Variants in DLG2 observed in about 807,000 individuals in gnomAD.
DLG2 encodes the protein discs large MAGUK scaffold protein 2.
A neutral mutation model predicts 132.5 loss-of-function variants in DLG2; 45 were observed. That is an observed-to-expected ratio of 0.34 (90% CI 0.27 to 0.44). The LOEUF is 0.44. DLG2 is among the 20% of genes least tolerant of loss of function. The pLI is 1.00. For synonymous variants in DLG2, 424 were observed against 419.6 expected, an observed-to-expected ratio of 1.01 and a Z score of -0.13; for missense variants, 1,045 against 1,196.9, an observed-to-expected ratio of 0.87 and a Z score of 1.87.
intron 7 of DLG2, among the ~76,000 whole-genome samples, chr11:84,523,135 G>T (rs1043417740): frequency 6.6e-6 from 1 of 152,160 alleles, no homozygotes; most frequent in South Asian, 2.1e-4. Flanking sequence ...AGAGCTCAAA[G>T]AGTTAACTAA....
rs138015952 is a variant in DLG2 at position 84,977,150 on chromosome 11, G to A, written c.357+134511C>T. Among the ~76,000 whole-genome samples the A allele has an allele frequency of 1.6e-4, 25 of 152,210 alleles. 1 individual carries two copies. In the East Asian group the frequency reaches 4.3e-3, roughly 26 times the overall value. The stretch of plus-strand genomic sequence containing the variant: ...CCAGTCACTCCAAGGGGTGTATGCT[G>A]ATTAGTCTGCCTATTGACACATGGC... On this transcript the variant is annotated intron_variant, in intron 6 of 27. Coordinates refer to ENST00000376104, the MANE Select transcript of DLG2 (RefSeq NM_001142699.3).
At chr11:85,507,251 T>C (rs1232558870) in intron 3 of DLG2, among the ~76,000 whole-genome samples, 1 of 152,184 alleles carries the variant, frequency 6.6e-6, no homozygotes, top group Non-Finnish European at 1.5e-5. Context: ...GATCCTGTCA[T>C]TATGATGTTA....
intron 4 of DLG2, 57 bp downstream of exon 4, chr11:85,285,163 C>A: frequency 6.8e-7 from 1 of 1,475,466 alleles, no homozygotes; most frequent in African/African-American, 1.4e-5. Context: ...ACCATTACTT[C>A]TTTAGTGGCC....
chr11:83,607,255 T>C (rs1176287918), intron 19 of DLG2, among the ~76,000 whole-genome samples: 1 of 152,242 alleles, frequency 6.6e-6, no homozygotes, highest in African/African-American at 2.4e-5. Flanking sequence ...CCTCCACTTG[T>C]TATAGTTCAC....
intron 18 of DLG2, among the ~76,000 whole-genome samples, chr11:83,753,835 GATAT>G (rs1203101494): frequency 1.1e-4 from 2 of 18,350 alleles, no homozygotes; most frequent in East Asian, 0.031. Flanking sequence ...ATATATATAT[GATAT>G]ATATCATATA....
At chr11:84,523,949 A>C (rs975146264) in intron 7 of DLG2, among the ~76,000 whole-genome samples, 4 of 152,176 alleles carry the variant, frequency 2.6e-5, no homozygotes, top group African/African-American at 9.7e-5. Context: ...AGAAGTAGAA[A>C]ATTTGAATTT....
chr11:85,409,043 T>C (rs1185912186), intron 3 of DLG2, among the ~76,000 whole-genome samples: 4 of 151,928 alleles, frequency 2.6e-5, no homozygotes, highest in Non-Finnish European at 5.9e-5. Context: ...ACAAAGAAAA[T>C]TGAGTCATTG....
At chr11:84,861,092 T>C (rs2083551944) in intron 6 of DLG2, among the ~76,000 whole-genome samples, 1 of 151,988 alleles carries the variant, frequency 6.6e-6, no homozygotes, top group Non-Finnish European at 1.5e-5. Flanking sequence ...ACCACTAAAA[T>C]GGTACTTGGT....
At chr11:84,385,627 T>C (rs953782926) in intron 7 of DLG2, among the ~76,000 whole-genome samples, 1 of 152,094 alleles carries the variant, frequency 6.6e-6, no homozygotes, top group Non-Finnish European at 1.5e-5. Flanking sequence ...GACCCTGTTG[T>C]AGTAAACATT....
At chr11:84,630,750 A>T (rs561319778) in intron 6 of DLG2, among the ~76,000 whole-genome samples, 2 of 152,148 alleles carry the variant, frequency 1.3e-5, no homozygotes, top group South Asian at 4.2e-4. Flanking sequence ...TGATGGCATA[A>T]CTCTTTATGT....
At chr11:84,663,757 G>C (rs2099697176) in intron 6 of DLG2, among the ~76,000 whole-genome samples, 1 of 152,054 alleles carries the variant, frequency 6.6e-6, no homozygotes, top group African/African-American at 2.4e-5. Flanking sequence ...CCTTATATCT[G>C]GACCCTGAGG....
At chr11:84,217,119 T>A (rs116766353) in intron 8 of DLG2, among the ~76,000 whole-genome samples, 19 of 152,356 alleles carry the variant, frequency 1.2e-4, no homozygotes, top group African/African-American at 4.3e-4. Flanking sequence ...TCTCCATCAA[T>A]ATGAACTTCT....
intron 4 of DLG2, among the ~76,000 whole-genome samples, chr11:85,264,467 G>A (rs962357099): frequency 6.6e-6 from 1 of 152,132 alleles, no homozygotes; most frequent in African/African-American, 2.4e-5. Flanking sequence ...GAACTAAGAT[G>A]GGGTGAAGTC....
At chr11:85,356,821 T>C (rs185031593) in intron 3 of DLG2, among the ~76,000 whole-genome samples, 23 of 115,098 alleles carry the variant, frequency 2.0e-4, no homozygotes, top group African/African-American at 7.5e-4. Context: ...GATAGATAGA[T>C]AGATAGAGAT....
intron 7 of DLG2, among the ~76,000 whole-genome samples, chr11:84,367,471 T>A (rs543798322): frequency 6.6e-6 from 1 of 152,132 alleles, no homozygotes; most frequent in Non-Finnish European, 1.5e-5. Context: ...GTTTGAAGTC[T>A]CGACGGCTGT....
In DLG2 at chr11:85,501,789, GA is replaced by G. The variant is rs901869543; in HGVS notation, c.40+96867del. On this transcript the variant is annotated intron_variant, in intron 3 of 27. Coordinates refer to ENST00000376104, the MANE Select transcript of DLG2 (RefSeq NM_001142699.3). Reference sequence around the variant, plus strand: ...AAACAACAGATGCTGGAGAGGTTGTGAAAAATAGGAACTCTTTTACATTGTT... The same window carrying G: ...AAACAACAGATGCTGGAGAGGTTGTGAAAATAGGAACTCTTTTACATTGTT... Among the ~76,000 whole-genome samples the G allele has an allele frequency of 6.6e-5, 10 of 152,230 alleles. No individual in the cohort carries two copies. The East Asian group carries it at 1.7e-3, about 26-fold the overall frequency.
At position 85,112,118 on chromosome 11, in the gene DLG2, G is replaced by T. The variant is rs191352299; in HGVS notation, c.283-383C>A. Among the ~76,000 whole-genome samples the T allele has an allele frequency of 1.6e-3, 251 of 152,144 alleles. 3 individuals carry two copies. The highest frequency in any genetic ancestry group is 5.9e-3 in the African/African-American group (244 of 41,532). ...GATCACATGAGTCAAGGTATAGAAT[G>T]GCTGTTTATTTGTCTCTGTTTCCAG... On this transcript the variant is annotated intron_variant, in intron 5 of 27. Coordinates refer to ENST00000376104, the MANE Select transcript of DLG2 (RefSeq NM_001142699.3).
At chr11:85,157,287 G>C (rs556308969) in intron 4 of DLG2, among the ~76,000 whole-genome samples, 1 of 152,218 alleles carries the variant, frequency 6.6e-6, no homozygotes, top group East Asian at 1.9e-4. Context: ...ATATATATGT[G>C]ATTCTAGAGG....
rs138921840 is a variant in DLG2 at position 83,959,283 on chromosome 11, G to A, written c.1340+3602C>T. ...TCAAAATTGCTTTAAAATTCTTACC[G>A]TACATCCATAACAAACGTGACTATA... On this transcript the variant is annotated intron_variant, in intron 14 of 27. Transcript: ENST00000376104. Among the ~76,000 whole-genome samples the A allele has an allele frequency of 2.1e-4, 32 of 151,988 alleles. 1 individual carries two copies. The East Asian group carries it at 2.7e-3, about 13-fold the overall frequency.
Sources: allele counts gnomAD v4.1 joint callset (sites outside exome capture counted in the v4.1 genomes callset), GRCh38; gene constraint gnomAD v4.1.1; transcripts MANE v1.5; gene names NCBI Gene and HGNC (gene_info 2026-07-23, HGNC 2026-07-21).